Variants in MYRIP observed in about 807,000 individuals in gnomAD.
The protein encoded by MYRIP is myosin VIIA and Rab interacting protein.
Under a neutral mutation model 98.0 loss-of-function variants are expected in MYRIP, and 49 were observed. The ratio of observed to expected loss-of-function variants is 0.50; its 90% CI spans 0.40 to 0.63. The LOEUF (loss-of-function observed/expected upper bound fraction) is 0.63, where lower values mean the gene tolerates loss of function less well. Ranked by LOEUF, MYRIP falls within the 30% of genes least tolerant of loss-of-function variation. The pLI, the probability that MYRIP is intolerant of heterozygous loss-of-function variation, is 0.00. For synonymous variants in MYRIP, 404 were observed against 409.5 expected (o/e 0.99, Z 0.16); for missense variants, 1,004 against 1,058.2 (o/e 0.95, Z 0.71).
chr3:39,956,878 C>G (rs868199671), intron 2 of MYRIP, among the ~76,000 whole-genome samples: 1 of 151,730 alleles, frequency 6.6e-6, no homozygotes, highest in African/African-American at 2.4e-5. Flanking sequence ...ATACAAATTA[C>G]CATCAGAGAA....
At chr3:40,191,447 A>G (rs1311784582) in intron 10 of MYRIP, among the ~76,000 whole-genome samples, 1 of 152,086 alleles carries the variant, frequency 6.6e-6, no homozygotes, top group East Asian at 1.9e-4. Flanking sequence ...GCCATGCCCT[A>G]TACTCTTAGT....
chr3:40,155,450 A>G (rs1395042461), intron 4 of MYRIP, among the ~76,000 whole-genome samples: 5 of 152,118 alleles, frequency 3.3e-5, no homozygotes, highest in African/African-American at 1.2e-4. Context: ...CGCACTAAAC[A>G]TACGTGTGCA....
chr3:39,992,559 C>T (rs147416463), intron 2 of MYRIP, among the ~76,000 whole-genome samples: 8 of 152,298 alleles, frequency 5.3e-5, no homozygotes, highest in African/African-American at 1.9e-4. Context: ...AATGTACTAC[C>T]GACCATGATC....
At chr3:40,097,225 T>A (rs1358351856) in intron 3 of MYRIP, among the ~76,000 whole-genome samples, 1 of 152,234 alleles carries the variant, frequency 6.6e-6, no homozygotes, top group African/African-American at 2.4e-5. Flanking sequence ...ATAAGGCAGA[T>A]ATACTTTACC....
intron 10 of MYRIP, among the ~76,000 whole-genome samples, chr3:40,203,433 G>C (rs1951625671): frequency 6.6e-6 from 1 of 151,766 alleles, no homozygotes; most frequent in Non-Finnish European, 1.5e-5. Flanking sequence ...CCAGCTGTGG[G>C]GCTGAGGCCC....
chr3:40,196,066 T>C (rs1224221208), intron 10 of MYRIP, among the ~76,000 whole-genome samples: 1 of 152,080 alleles, frequency 6.6e-6, no homozygotes, highest in South Asian at 2.1e-4. Context: ...ACTATAGTTA[T>C]GCATCCTCTA....
intron 1 of MYRIP, among the ~76,000 whole-genome samples, chr3:39,835,310 C>T (rs753659935): frequency 6.7e-6 from 1 of 148,922 alleles, no homozygotes; most frequent in East Asian, 2.0e-4. Flanking sequence ...GGACTAAAAT[C>T]TTTGTTTTAA....
intron 2 of MYRIP, among the ~76,000 whole-genome samples, chr3:40,040,981 T>TAA (rs201195237): frequency 2.8e-3 from 84 of 29,568 alleles, no homozygotes; most frequent in Admixed American, 0.013. Context: ...TAGAGTATAA[T>TAA]AAAAAAAAAA....
intron 10 of MYRIP, among the ~76,000 whole-genome samples, chr3:40,197,469 G>A (rs1951427426): frequency 6.6e-6 from 1 of 152,170 alleles, no homozygotes; most frequent in African/African-American, 2.4e-5. Context: ...GATGGACATA[G>A]ATGGGCTAAA....
chr3:39,833,084 G>A (rs541610569), intron 1 of MYRIP, among the ~76,000 whole-genome samples: 42 of 152,170 alleles, frequency 2.8e-4, no homozygotes, highest in African/African-American at 9.4e-4. Flanking sequence ...AGACTGACAT[G>A]GAAAATATGC....
At chr3:39,889,886 T>C (rs1393111577) in intron 1 of MYRIP, among the ~76,000 whole-genome samples, 1 of 152,154 alleles carries the variant, frequency 6.6e-6, no homozygotes, top group East Asian at 1.9e-4. Flanking sequence ...TTTCATTTTT[T>C]AGTCTTTGAC....
chr3:40,018,997 T>C (rs981846319), intron 2 of MYRIP, among the ~76,000 whole-genome samples: 4 of 152,184 alleles, frequency 2.6e-5, no homozygotes, highest in Non-Finnish European at 5.9e-5. Context: ...TTCAGTTCCC[T>C]TACCTGGTCT....
chr3:40,203,943 A>ATATATAT (rs568646640), intron 10 of MYRIP, among the ~76,000 whole-genome samples: 138 of 2,692 alleles, frequency 0.051, 47 homozygotes, highest in East Asian at 0.23. Flanking sequence ...AATATATATT[A>ATATATAT]TATATATTAT....
intron 12 of MYRIP, chr3:40,242,543 G>T (rs1338465079): frequency 1.3e-5 from 2 of 151,082 alleles, no homozygotes; most frequent in African/African-American, 4.9e-5. Flanking sequence ...TGTTGAAGAT[G>T]TAAATAGCAA....
intron 2 of MYRIP, among the ~76,000 whole-genome samples, chr3:39,925,360 G>A (rs1199329840): frequency 1.3e-5 from 2 of 151,830 alleles, no homozygotes; most frequent in Non-Finnish European, 2.9e-5. Context: ...TAGATTCAGA[G>A]GGTACATGTG....
chr3:40,044,087 T>C lies in MYRIP; in HGVS notation c.148T>C (p.Cys50Arg). Residue 50 changes from cysteine (C) to arginine (R), a missense_variant, in exon 3 of 17, where the codon TGC becomes CGC. Physicochemically the swap from Cys to Arg is radical, Grantham distance 180. Around this residue, in one of 3 missense-constraint regions of MYRIP, gnomAD observed 880 missense variants for 907.7 expected, o/e 0.97. Transcript: ENST00000302541. ...GAAGCTGGATGAGGAAGGCAGCAAG[T>C]GCAGCATCCTCTCGAAGCACCAGCA... ...KQKLDEEGSK[C>R]SILSKHQQFV... 4 of 1,614,102 alleles carry C rather than the reference T, an allele frequency of 2.5e-6. No homozygotes were observed. Among genetic ancestry groups the C allele is most frequent in the Non-Finnish European group, 3.4e-6 (4 of 1,180,000 alleles).
At chr3:40,142,008 G>A (rs1054767375) in intron 3 of MYRIP, among the ~76,000 whole-genome samples, 1 of 148,230 alleles carries the variant, frequency 6.7e-6, no homozygotes, top group Admixed American at 6.7e-5. Flanking sequence ...GATAGGGATT[G>A]CATTGAACCT....
In MYRIP at chr3:39,870,202, T is replaced by C. The variant is rs75326738; in HGVS notation, c.-30-30585T>C. ...TTGGTCTTTTCTCATTCCTGGGAAA[T>C]CTCTTTAGCTAATGACGGTACTTCT... On this transcript the variant is annotated intron_variant, in intron 1 of 16. Transcript: ENST00000302541. Among the ~76,000 whole-genome samples the C allele has an allele frequency of 9.9e-3, 1,510 of 152,180 alleles. 27 individuals are homozygous for C. Among genetic ancestry groups the C allele is most frequent in the African/African-American group, 0.035 (1,448 of 41,514 alleles).
chr3:40,099,122 C>G (rs962115190), intron 3 of MYRIP, among the ~76,000 whole-genome samples: 4 of 152,062 alleles, frequency 2.6e-5, no homozygotes, highest in African/African-American at 9.7e-5. Flanking sequence ...GGTGACCACC[C>G]GATTTTGCCC....
Sources: gnomAD v4.1 joint callset for allele counts (sites outside exome capture counted in the v4.1 genomes callset) on GRCh38, gnomAD v4.1.1 for gene constraint, gnomAD v4.1.1 regional missense constraint, MANE v1.5 for transcripts, NCBI Gene and HGNC (gene_info 2026-07-23, HGNC 2026-07-21) for gene names.